Variants in URI1 observed in about 807,000 individuals in gnomAD.
The protein encoded by URI1 is URI1 prefoldin like chaperone.
URI1 carries 39 observed loss-of-function variants against 60.2 expected under a neutral mutation model. The observed-to-expected ratio is 0.65, with a 90% CI of 0.50 to 0.85. The LOEUF (loss-of-function observed/expected upper bound fraction) is 0.85. Among genes scored for constraint, URI1 ranks in the 40% least tolerant of loss-of-function variants. The probability of loss-of-function intolerance (pLI) is 0.00; values close to 1 mark genes in which losing one functional copy is unlikely to be tolerated. For synonymous variants in URI1, 251 were observed against 236.8 expected (o/e 1.06, Z -0.55); for missense variants, 691 against 665.9 (o/e 1.04, Z -0.42).
intron 1 of URI1, among the ~76,000 whole-genome samples, chr19:29,950,947 T>C (rs2055171858): frequency 6.6e-6 from 1 of 152,212 alleles, no homozygotes; most frequent in Non-Finnish European, 1.5e-5. Flanking sequence ...AACATAATCA[T>C]GAAGAAACAA....
chr19:29,966,182 T>G (rs1447173267), intron 1 of URI1, among the ~76,000 whole-genome samples: 1 of 152,206 alleles, frequency 6.6e-6, no homozygotes, highest in Admixed American at 6.5e-5. Flanking sequence ...GGTCTCTGTC[T>G]GTCTCCCAGG....
At chr19:29,947,718 G>A (rs335035) in intron 1 of URI1, among the ~76,000 whole-genome samples, 3,801 of 152,200 alleles carry the variant, frequency 0.025, 167 homozygotes, top group African/African-American at 0.087. Context: ...ATTATATATT[G>A]TAAGTTTCTT....
upstream of URI1, among the ~76,000 whole-genome samples, chr19:29,941,677 C>G (rs2055025786): frequency 6.6e-6 from 1 of 150,820 alleles, no homozygotes; most frequent in Non-Finnish European, 1.5e-5. Flanking sequence ...TGGAAAATTT[C>G]TTAGTCCATT....
At chr19:30,006,939 A>G (rs894903725) in intron 6 of URI1, among the ~76,000 whole-genome samples, 9 of 152,148 alleles carry the variant, frequency 5.9e-5, no homozygotes, top group South Asian at 2.1e-4. Flanking sequence ...AGAACTTTAC[A>G]GAGATGAGCC....
intron 3 of URI1, among the ~76,000 whole-genome samples, chr19:29,985,540 A>G (rs2055657808): frequency 6.6e-6 from 1 of 152,198 alleles, no homozygotes; most frequent in Non-Finnish European, 1.5e-5. Flanking sequence ...AAAATTGGAC[A>G]TATTTCAAAT....
chr19:29,999,434 G>A (rs990259854), intron 4 of URI1, among the ~76,000 whole-genome samples: 3 of 152,016 alleles, frequency 2.0e-5, no homozygotes, highest in African/African-American at 7.2e-5. Context: ...CTGTTGTTTT[G>A]CTAAACATAG....
chr19:29,956,624 T>C lies in URI1; in HGVS notation c.117+13960T>C. ...CCTGGTCTCATCTGAACCCTGCGGA[T>C]GTATTTTTCACCCAAGAAATTTCGG... is the stretch of plus-strand genomic sequence containing the variant. On this transcript the variant is annotated intron_variant, in intron 1 of 10. Transcript: ENST00000392271. 7.3e-6 allele frequency: 11 copies of C among 1,502,212 alleles called. No individual in the cohort carries two copies. In the South Asian group the frequency reaches 1.0e-4, roughly 14 times the overall value. 93.1% of individuals were successfully genotyped at this position (1,502,212 alleles called of 1,614,324 possible).
rs147096218 is a variant in URI1, at chr19:29,961,810, C to T, written c.118-9383C>T. 2.8e-4 allele frequency among the ~76,000 whole-genome samples: 42 copies of T among 152,004 alleles called. 2 individuals carry two copies. In the East Asian group the frequency reaches 5.6e-3, roughly 20 times the overall value. The stretch of plus-strand genomic sequence containing the variant: ...AAGTGATTCTCCTGCCTCAGCCTCC[C>T]AAGTAGCTGAGATTACAGGCATGCA... On this transcript the variant is annotated intron_variant, in intron 1 of 10. Transcript: ENST00000392271.
chr19:30,001,941 C>A (rs2055883651), intron 4 of URI1, among the ~76,000 whole-genome samples: 4 of 151,914 alleles, frequency 2.6e-5, no homozygotes, highest in Admixed American at 2.0e-4. Context: ...AACCTTTGTA[C>A]TGGTTTAAGA....
Position 29,926,420 on chromosome 19 carries a change from C to T in URI1, c.63+2666C>T, listed in dbSNP as rs1393536175. 2.6e-5 allele frequency among the ~76,000 whole-genome samples: 4 copies of T among 152,196 alleles called. No homozygotes were observed. In the East Asian group the frequency reaches 5.8e-4, roughly 22 times the overall value. ...CCAGCCTCCTGAGTAGCCAGGACTACAGGAATGTGCCAACATGCCTGGCTA... is the reference window on the plus strand; with the variant it reads ...CCAGCCTCCTGAGTAGCCAGGACTATAGGAATGTGCCAACATGCCTGGCTA... On this transcript the variant is annotated intron_variant, in intron 1 of 10. Coordinates refer to the URI1 transcript ENST00000360605.
chr19:30,011,885 C>T (rs563564627), intron 9 of URI1, among the ~76,000 whole-genome samples: 4 of 122,100 alleles, frequency 3.3e-5, no homozygotes, highest in Non-Finnish European at 4.8e-5. Context: ...ACACCACACA[C>T]CGGGGTCTGT....
chr19:29,937,088 G>C (rs777738755), intron 1 of URI1, among the ~76,000 whole-genome samples: 1 of 152,052 alleles, frequency 6.6e-6, no homozygotes, highest in Non-Finnish European at 1.5e-5. Context: ...TTTACAACTG[G>C]ACAATTTCAA....
At chr19:29,976,901 TA>T (rs1279238571) in intron 2 of URI1, among the ~76,000 whole-genome samples, 2 of 152,206 alleles carry the variant, frequency 1.3e-5, no homozygotes, top group Non-Finnish European at 2.9e-5. Flanking sequence ...AAGAATACTT[TA>T]AATTTAGACA....
At chr19:29,944,594 T>G (rs1181277912) in intron 1 of URI1, among the ~76,000 whole-genome samples, 3 of 152,196 alleles carry the variant, frequency 2.0e-5, no homozygotes, top group Non-Finnish European at 4.4e-5. Flanking sequence ...GAGTAACTGC[T>G]TTTTCAGTTA....
At chr19:29,953,964 A>G (rs1234016653) in intron 1 of URI1, among the ~76,000 whole-genome samples, 1 of 152,202 alleles carries the variant, frequency 6.6e-6, no homozygotes, top group Middle Eastern at 3.2e-3. Context: ...ACTACTCAAG[A>G]AAGAAACTAA....
intron 1 of URI1, among the ~76,000 whole-genome samples, chr19:29,946,067 T>TC (rs56099522): frequency 4.7e-4 from 71 of 151,828 alleles, no homozygotes; most frequent in Non-Finnish European, 8.7e-4. Context: ...TTGATTTCCT[T>TC]CCCCCCCCCA....
rs2056072948 is a variant in URI1, at chr19:30,015,311, T to G, written c.*242T>G. ...TCAACACTCTTATCTAAGTTTGCCT[T>G]TATGATGCAGTGGCAGCATTTTGAA... On this transcript the variant is annotated 3_prime_UTR_variant, in exon 11 of 11. Coordinates refer to ENST00000392271, the MANE Select transcript of URI1 (RefSeq NM_003796.3). 1 of 1,415,736 alleles carries G rather than the reference T, an allele frequency of 7.1e-7. No individual in the cohort carries two copies. The highest frequency in any genetic ancestry group is 3.0e-5 in the Admixed American group (1 of 33,326). 87.7% of individuals were successfully genotyped at this position (1,415,736 alleles called of 1,614,324 possible).
At chr19:29,936,750 AT>A (rs773186140) in intron 1 of URI1, among the ~76,000 whole-genome samples, 18 of 151,270 alleles carry the variant, frequency 1.2e-4, no homozygotes, top group Non-Finnish European at 2.1e-4. Flanking sequence ...GGCTCTGTTC[AT>A]TTTTCCTTTT....
At position 30,015,389 on chromosome 19, in the gene URI1, A is replaced by G. The variant is rs529934041; in HGVS notation, c.*320A>G. On this transcript the variant is annotated 3_prime_UTR_variant, in exon 11 of 11. Coordinates refer to ENST00000392271, the MANE Select transcript of URI1 (RefSeq NM_003796.3). ...GCATTGTTTTTGTGTTTCAAACTAA[A>G]TACAGGCAGTTTTGTGCCAGCTGTG... 1.4e-6 allele frequency: 2 copies of G among 1,435,294 alleles called. No individual in the cohort carries two copies. Among genetic ancestry groups the G allele is most frequent in the East Asian group, 2.5e-5 (1 of 39,958 alleles). The allele number at this position is 1,435,294 out of a possible 1,614,324, so 88.9% of individuals were successfully genotyped here.
Sources: gnomAD v4.1 joint callset for allele counts (sites outside exome capture counted in the v4.1 genomes callset) on GRCh38, gnomAD v4.1.1 for gene constraint, MANE v1.5 for transcripts, NCBI Gene and HGNC (gene_info 2026-07-23, HGNC 2026-07-21) for gene names.